The following TMEM236 variants were observed in gnomAD, a reference collection of about 807,000 sequenced individuals.
TMEM236 encodes the protein transmembrane protein 236, also known as family with sequence similarity 23, member A.
Under a neutral mutation model 14.7 loss-of-function variants are expected in TMEM236, and 11 were observed. That is an observed-to-expected ratio of 0.75 (90% CI 0.47 to 1.24). The LOEUF is 1.24. Among genes scored for constraint, TMEM236 ranks in the 50% most tolerant of loss-of-function variants. TMEM236 has a pLI of 0.00. For missense variants in TMEM236, 464 were observed against 427.3 expected, an observed-to-expected ratio of 1.09 and a Z score of -0.76; for synonymous variants, 182 against 168.6, an observed-to-expected ratio of 1.08 and a Z score of -0.62.
chr10:17,771,059 T>C (rs1837563653), intron 1 of TMEM236, among the ~76,000 whole-genome samples: 2 of 152,344 alleles, frequency 1.3e-5, no homozygotes, highest in South Asian at 2.1e-4. Context: ...TGCGATTTGA[T>C]GCTTTTAATA....
rs1181734908 is a variant in TMEM236, at chr10:17,768,085, G to GTTTTTTTTTTTTTT, written c.258-3224_258-3223insTTTTTTTTTTTTTT. On this transcript the variant is annotated intron_variant, in intron 1 of 3. Transcript: ENST00000377495. ...ACCACCACACCTCGCTAATTTTTGT[G>GTTTTTTTTTTTTTT]GTTTTTTTTTTTTTTTTTTTTTTGT... Among the ~76,000 whole-genome samples the GTTTTTTTTTTTTTT allele has an allele frequency of 8.6e-4, 85 of 98,820 alleles. 16 individuals are homozygous for GTTTTTTTTTTTTTT. Among genetic ancestry groups the GTTTTTTTTTTTTTT allele is most frequent in the African/African-American group, 3.1e-3 (77 of 24,814 alleles). The allele number at this position is 98,820 out of a possible 152,430, so 64.8% of individuals were successfully genotyped here.
Position 17,771,319 on chromosome 10 carries a change from C to A in TMEM236, c.268C>A (p.Leu90Met). The A allele has an allele frequency of 6.2e-7, 1 of 1,613,872 alleles. No individual in the cohort carries two copies. ...YRKIKGWRPVLMMCVVLTTLP... is the reference protein window; with the variant it reads ...YRKIKGWRPVMMMCVVLTTLP... ...TTTCTCCTTTGCTAGGAGACCTGTT[C>A]TGATGATGTGTGTGGTCCTCACCAC... The change falls in exon 2 of 4, where the codon CTG (leucine) becomes ATG (methionine). Residue 90 changes from leucine (L) to methionine (M), a missense_variant. By Grantham distance (15) the Leu-to-Met change is conservative (BLOSUM62 2). Transcript: ENST00000377495.
intron 1 of TMEM236, among the ~76,000 whole-genome samples, chr10:17,758,754 C>T (rs1266881384): frequency 6.6e-6 from 1 of 152,098 alleles, no homozygotes; most frequent in African/African-American, 2.4e-5. Context: ...GAAAATATAT[C>T]CTGTGAGTAA....
chr10:17,765,500 C>T (rs1263423540), intron 1 of TMEM236, among the ~76,000 whole-genome samples: 1 of 152,146 alleles, frequency 6.6e-6, no homozygotes, highest in African/African-American at 2.4e-5. Flanking sequence ...TATGATTCCT[C>T]CTGGGTCAGA....
intron 3 of TMEM236, among the ~76,000 whole-genome samples, chr10:17,785,207 C>A (rs2131760972): frequency 6.6e-6 from 1 of 152,318 alleles, no homozygotes; most frequent in South Asian, 2.1e-4. Context: ...CTGGTTATCA[C>A]AAATACAGGG....
intron 3 of TMEM236, among the ~76,000 whole-genome samples, chr10:17,779,352 C>A (rs1192679506): frequency 1.3e-5 from 2 of 151,982 alleles, no homozygotes; most frequent in East Asian, 3.9e-4. Flanking sequence ...CTGCTCTGGG[C>A]AATTTCAGCT....
At position 17,756,615 on chromosome 10, in the gene TMEM236, G is replaced by GT. The variant is rs1288945589; in HGVS notation, c.257+4066dup. 2.0e-3 allele frequency among the ~76,000 whole-genome samples: 301 copies of GT among 152,288 alleles called. 3 individuals carry two copies. In the Middle Eastern group the frequency reaches 0.065, roughly 33 times the overall value. On this transcript the variant is annotated intron_variant, in intron 1 of 3. Transcript: ENST00000377495. The stretch of plus-strand genomic sequence containing the variant: ...CCAGCCTAAAGTAGAATTTTTATGA[G>GT]TTTATCGTTATTATTGCCTAGAGAA...
Position 17,778,419 on chromosome 10 carries a change from G to T in TMEM236, c.472+2249G>T, listed in dbSNP as rs1837693481. 2.6e-5 allele frequency among the ~76,000 whole-genome samples: 4 copies of T among 152,152 alleles called. No homozygotes were observed. In the East Asian group the frequency reaches 7.7e-4, roughly 29 times the overall value. On this transcript the variant is annotated intron_variant, in intron 3 of 3. Coordinates refer to ENST00000377495, the MANE Select transcript of TMEM236 (RefSeq NM_001098844.3). The stretch of plus-strand genomic sequence containing the variant: ...ATTATGTAAATTTTGAATCCATGAG[G>T]TTTTCTCATTTATTACTTGGAACAT...
intron 3 of TMEM236, among the ~76,000 whole-genome samples, chr10:17,783,182 G>A (rs1837782283): frequency 6.6e-6 from 1 of 152,164 alleles, no homozygotes; most frequent in African/African-American, 2.4e-5. Context: ...GTCCTCAGAA[G>A]GCCTGGAGCA....
chr10:17,766,403 C>T (rs1564594504), intron 1 of TMEM236, among the ~76,000 whole-genome samples: 2 of 152,126 alleles, frequency 1.3e-5, no homozygotes, highest in Non-Finnish European at 2.9e-5. Flanking sequence ...CCAGAAGCAC[C>T]TTAGCATTCA....
intron 3 of TMEM236, among the ~76,000 whole-genome samples, chr10:17,779,054 TA>T (rs1353368716): frequency 6.6e-6 from 1 of 152,178 alleles, no homozygotes; most frequent in Non-Finnish European, 1.5e-5. Context: ...ACGTGGTACC[TA>T]GGAATGCCAA....
Position 17,799,903 on chromosome 10 carries a change from C to T in TMEM236, c.*3399C>T, listed in dbSNP as rs1450448692. 6 of 152,418 alleles carry T rather than the reference C, an allele frequency of 3.9e-5. No homozygotes were observed. In the East Asian group the frequency reaches 5.8e-4, roughly 15 times the overall value. 9.4% of individuals were successfully genotyped at this position (152,418 alleles called of 1,614,324 possible). The stretch of plus-strand genomic sequence containing the variant: ...TATGTGTAGGAGGAAAATTGAGTAG[C>T]TAATTTAATTTCATTTAATATTTTA... On this transcript the variant is annotated 3_prime_UTR_variant, in exon 4 of 4. Coordinates refer to ENST00000377495, the MANE Select transcript of TMEM236 (RefSeq NM_001098844.3).
chr10:17,762,826 T>C (rs1837398617), intron 1 of TMEM236, among the ~76,000 whole-genome samples: 1 of 151,478 alleles, frequency 6.6e-6, no homozygotes. Context: ...GACTAATTTT[T>C]AAATTTCCTG....
intron 3 of TMEM236, among the ~76,000 whole-genome samples, chr10:17,789,495 G>T (rs987507758): frequency 6.6e-6 from 1 of 152,130 alleles, no homozygotes; most frequent in Non-Finnish European, 1.5e-5. Flanking sequence ...AGATGCTGAC[G>T]AATTCCTTCA....
chr10:17,793,780 G>T (rs71497214), intron 3 of TMEM236, among the ~76,000 whole-genome samples: 22,076 of 152,204 alleles, frequency 0.15, 1,924 homozygotes, highest in African/African-American at 0.23. Context: ...ATCACGCCTG[G>T]CTCTATATTA....
chr10:17,792,272 AG>A (rs1415194977), intron 3 of TMEM236, among the ~76,000 whole-genome samples: 3 of 152,146 alleles, frequency 2.0e-5, no homozygotes, highest in African/African-American at 4.8e-5. Context: ...TATTTTTAGT[AG>A]GGATGGGTTT....
intron 3 of TMEM236, among the ~76,000 whole-genome samples, chr10:17,793,244 C>A (rs1434785895): frequency 2.0e-5 from 3 of 152,174 alleles, no homozygotes; most frequent in Admixed American, 6.5e-5. Flanking sequence ...AAGACTCTCC[C>A]TGACTGTTTA....
intron 3 of TMEM236, among the ~76,000 whole-genome samples, chr10:17,794,560 C>T (rs1302369109): frequency 6.6e-6 from 1 of 152,038 alleles, no homozygotes; most frequent in African/African-American, 2.4e-5. Context: ...CGCACACACA[C>T]ACACAATGGT....
chr10:17,787,144 C>A (rs2131762757), intron 3 of TMEM236, among the ~76,000 whole-genome samples: 1 of 152,332 alleles, frequency 6.6e-6, no homozygotes, highest in East Asian at 1.9e-4. Context: ...TGCCTGGTGA[C>A]CCCTGACGCT....
Sources: allele counts gnomAD v4.1 joint callset (sites outside exome capture counted in the v4.1 genomes callset), GRCh38; gene constraint gnomAD v4.1.1; transcripts MANE v1.5; gene names NCBI Gene and HGNC (gene_info 2026-07-23, HGNC 2026-07-21).